The following NFYC variants were observed in gnomAD, a reference collection of about 807,000 sequenced individuals.
The protein encoded by NFYC is CAAT box DNA-binding protein subunit C.
Under a neutral mutation model 53.1 loss-of-function variants are expected in NFYC, and 25 were observed. That is an observed-to-expected ratio of 0.47 (90% CI 0.34 to 0.66). The LOEUF is 0.66. Ranked by LOEUF, NFYC falls within the 30% of genes least tolerant of loss-of-function variation. The pLI, the probability that NFYC is intolerant of heterozygous loss-of-function variation, is 0.01. For synonymous variants in NFYC, 145 were observed against 152.6 expected (o/e 0.95, Z 0.37); for missense variants, 260 against 422.7 (o/e 0.62, Z 3.38).
At chr1:40,758,483 G>T in intron 6 of NFYC, 189 bp downstream of exon 6, 1 of 614,786 alleles carries the variant, frequency 1.6e-6, no homozygotes, top group Non-Finnish European at 2.7e-6. Context: ...TCTGGACCCT[G>T]TTTTTCTCAA....
At chr1:40,739,936 AT>A (rs1645248238) in intron 2 of NFYC, among the ~76,000 whole-genome samples, 1 of 152,210 alleles carries the variant, frequency 6.6e-6, no homozygotes, top group African/African-American at 2.4e-5. Context: ...TTAGGGGAAC[AT>A]CAAGACATTC....
rs1231603532 is a variant in NFYC at position 40,734,457 on chromosome 1, G to A, written c.-8-4379G>A. Among the ~76,000 whole-genome samples the A allele has an allele frequency of 3.3e-5, 5 of 151,866 alleles. No homozygotes were observed. In the East Asian group the frequency reaches 9.7e-4, roughly 29 times the overall value. The stretch of plus-strand genomic sequence containing the variant: ...GGCTCACTGCAACCTCCACCTCCTG[G>A]GTTTGCAGCCTCCACCTCCTTGGTT... On this transcript the variant is annotated intron_variant, in intron 1 of 9. Transcript: ENST00000447388.
chr1:40,706,306 G>A (rs1475414300), intron 1 of NFYC, among the ~76,000 whole-genome samples: 4 of 152,038 alleles, frequency 2.6e-5, no homozygotes, highest in Non-Finnish European at 5.9e-5. Context: ...AATTAGAGGG[G>A]TAAAGTCTGT....
intron 4 of NFYC, among the ~76,000 whole-genome samples, chr1:40,750,026 C>T (rs1403486805): frequency 6.6e-6 from 1 of 152,186 alleles, no homozygotes; most frequent in Non-Finnish European, 1.5e-5. Flanking sequence ...TTACCTGTTT[C>T]CAAACGTAAT....
chr1:40,722,797 A>G (rs189502447), intron 1 of NFYC, among the ~76,000 whole-genome samples: 2 of 152,214 alleles, frequency 1.3e-5, no homozygotes, highest in Non-Finnish European at 2.9e-5. Flanking sequence ...TTATTTATTT[A>G]TGTATTTACC....
intron 5 of NFYC, among the ~76,000 whole-genome samples, chr1:40,754,740 A>AT (rs1557889753): frequency 1.3e-5 from 2 of 152,058 alleles, no homozygotes; most frequent in African/African-American, 4.8e-5. Context: ...TGCCTGCTGA[A>AT]TACACTGGCT....
At chr1:40,711,368 ATGT>A (rs1643921654) in intron 1 of NFYC, among the ~76,000 whole-genome samples, 1 of 152,220 alleles carries the variant, frequency 6.6e-6, no homozygotes, top group Non-Finnish European at 1.5e-5. Flanking sequence ...GATTATTTAT[ATGT>A]TATCAGTTGT....
At chr1:40,749,831 C>T (rs533399778) in intron 4 of NFYC, 145 bp downstream of exon 4, 11 of 638,788 alleles carry the variant, frequency 1.7e-5, no homozygotes, top group African/African-American at 1.6e-4. Flanking sequence ...CTTTAGGCCT[C>T]TATCAAGCTG....
chr1:40,758,156 A>G lies in NFYC; in HGVS notation c.423A>G (p.Pro141=). 1 of 1,612,272 alleles carries G rather than the reference A, an allele frequency of 6.2e-7. No individual in the cohort carries two copies. The highest frequency in any genetic ancestry group is 1.1e-5 in the South Asian group (1 of 90,980). The change falls in exon 6 of 10, where the codon CCA becomes CCG. Residue 141 remains proline, a synonymous_variant. Coordinates refer to ENST00000447388, the MANE Select transcript of NFYC (RefSeq NM_014223.5). ...EVRQSVTPAE[P]VQYYFTLAQQ... ...GCCAGTCTGTAACTCCTGCCGAGCC[A>G]GTCCAGTACTATTTCACGCTGGCTC...
chr1:40,747,402 A>G, intron 2 of NFYC, 132 bp from the exon 3 acceptor site: 1 of 607,880 alleles, frequency 1.6e-6, no homozygotes. Flanking sequence ...TCTTCATTTC[A>G]TCTGTACCTT....
intron 2 of NFYC, among the ~76,000 whole-genome samples, chr1:40,739,466 C>T (rs1485908358): frequency 2.6e-5 from 4 of 152,066 alleles, no homozygotes; most frequent in Admixed American, 6.5e-5. Flanking sequence ...TGTGAGGGGC[C>T]GTCTTATGCA....
intron 1 of NFYC, among the ~76,000 whole-genome samples, chr1:40,724,531 A>G (rs1644440578): frequency 6.6e-6 from 1 of 152,238 alleles, no homozygotes; most frequent in East Asian, 1.9e-4. Context: ...ATCATACAAA[A>G]TACTGATAGT....
At chr1:40,699,564 A>G (rs1255421132) in intron 1 of NFYC, among the ~76,000 whole-genome samples, 1 of 152,252 alleles carries the variant, frequency 6.6e-6, no homozygotes, top group Non-Finnish European at 1.5e-5. Flanking sequence ...GGGCCTTTTA[A>G]GAAGCCAAGA....
chr1:40,750,195 A>G (rs1279204242), intron 4 of NFYC, among the ~76,000 whole-genome samples: 2 of 151,352 alleles, frequency 1.3e-5, no homozygotes, highest in Non-Finnish European at 1.5e-5. Flanking sequence ...ATTCACATTC[A>G]TACTGTATGC....
At position 40,756,373 on chromosome 1, in the gene NFYC, G is replaced by A. The variant is rs552681786; in HGVS notation, c.388-1748G>A. On this transcript the variant is annotated intron_variant, in intron 5 of 9. Coordinates refer to ENST00000447388, the MANE Select transcript of NFYC (RefSeq NM_014223.5). ...CTGCCTTAGCATAATCATATTGAGG[G>A]TTAAAACTATTTGTGTCTGAAGCAC... Among the ~76,000 whole-genome samples, 4 of 152,290 alleles carry A rather than the reference G, an allele frequency of 2.6e-5. No homozygotes were observed. In the East Asian group the frequency reaches 7.7e-4, roughly 29 times the overall value.
rs1646052357 is a variant in NFYC, at chr1:40,753,847, A to AGT, written c.387+601_387+602insGT. The stretch of plus-strand genomic sequence containing the variant: ...TGTGCAGTCAGATTTGAGAACCACC[A>AGT]CTTGAGCTGTTTTGCAAGCAATCAC... On this transcript the variant is annotated intron_variant, in intron 5 of 9. Coordinates refer to ENST00000447388, the MANE Select transcript of NFYC (RefSeq NM_014223.5). Among the ~76,000 whole-genome samples, 6 of 152,274 alleles carry AGT rather than the reference A, an allele frequency of 3.9e-5. No individual in the cohort carries two copies. In the South Asian group the frequency reaches 1.2e-3, roughly 32 times the overall value.
intron 1 of NFYC, among the ~76,000 whole-genome samples, chr1:40,697,950 A>C (rs947213122): frequency 1.3e-5 from 2 of 152,238 alleles, no homozygotes; most frequent in Non-Finnish European, 2.9e-5. Flanking sequence ...GATTACTTCT[A>C]CATCCAGTAC....
intron 1 of NFYC, among the ~76,000 whole-genome samples, chr1:40,716,189 T>C (rs560593250): frequency 6.6e-6 from 1 of 152,344 alleles, no homozygotes; most frequent in Admixed American, 6.5e-5. Context: ...AAAATTTTAC[T>C]CTGAGACTGA....
At chr1:40,708,774 A>G (rs1021287988) in intron 1 of NFYC, among the ~76,000 whole-genome samples, 3 of 152,236 alleles carry the variant, frequency 2.0e-5, no homozygotes, top group Middle Eastern at 6.8e-3. Context: ...AAGAAGCTGT[A>G]TTTTCTTTGG....
Sources: allele counts gnomAD v4.1 joint callset (sites outside exome capture counted in the v4.1 genomes callset), GRCh38; gene constraint gnomAD v4.1.1; transcripts MANE v1.5; gene names NCBI Gene and HGNC (gene_info 2026-07-23, HGNC 2026-07-21).